Variants in RPAP2 observed in about 807,000 individuals in gnomAD.
RPAP2 encodes the protein putative RNA polymerase II subunit B1 CTD phosphatase RPAP2.
In RPAP2, 52 loss-of-function variants were observed where a neutral mutation model predicts 73.1. The observed-to-expected ratio is 0.71, with a 90% CI of 0.57 to 0.90. The LOEUF (loss-of-function observed/expected upper bound fraction) is 0.90, where lower values mean the gene tolerates loss of function less well. RPAP2 is among the 40% of genes least tolerant of loss of function. The pLI is 0.00. For synonymous variants in RPAP2, 225 were observed against 242.1 expected (o/e 0.93, Z 0.65); for missense variants, 598 against 701.8 (o/e 0.85, Z 1.67).
intron 11 of RPAP2, among the ~76,000 whole-genome samples, chr1:92,379,619 T>G (rs1006260995): frequency 1.3e-5 from 2 of 152,190 alleles, no homozygotes; most frequent in Non-Finnish European, 2.9e-5. Flanking sequence ...CAAGACGTAA[T>G]TCATTTATTT....
At chr1:92,343,988 T>C (rs1653738938) in intron 10 of RPAP2, among the ~76,000 whole-genome samples, 1 of 152,220 alleles carries the variant, frequency 6.6e-6, no homozygotes, top group African/African-American at 2.4e-5. Flanking sequence ...CCTTTCCCAA[T>C]CCATTCTTCG....
In RPAP2 at chr1:92,375,999, CAAAAAAA is replaced by C. The variant is rs1234687722; in HGVS notation, c.1689-4712_1689-4706del. On this transcript the variant is annotated intron_variant, in intron 11 of 12. Coordinates refer to ENST00000610020, the MANE Select transcript of RPAP2 (RefSeq NM_024813.3). ...TGGGTGACAGAGTGAGACTCTGTCT[CAAAAAAA>C]AAAAAAAAAAAATTAAAATATTCAG... 7.7e-5 allele frequency among the ~76,000 whole-genome samples: 5 copies of C among 65,334 alleles called. No individual in the cohort carries two copies. In the East Asian group the frequency reaches 2.1e-3, roughly 28 times the overall value. 42.9% of individuals were successfully genotyped at this position (65,334 alleles called of 152,430 possible).
intron 11 of RPAP2, among the ~76,000 whole-genome samples, chr1:92,375,384 G>A (rs1210741598): frequency 1.3e-5 from 2 of 152,118 alleles, no homozygotes; most frequent in Admixed American, 6.5e-5. Flanking sequence ...TGGATTCAGC[G>A]AATCACAGAT....
chr1:92,329,868 A>G (rs915002897), intron 8 of RPAP2, among the ~76,000 whole-genome samples: 3 of 152,224 alleles, frequency 2.0e-5, no homozygotes, highest in Admixed American at 1.3e-4. Context: ...TCATGGTCTC[A>G]TCATAAATCA....
At chr1:92,321,593 G>C (rs769013572) in intron 7 of RPAP2, among the ~76,000 whole-genome samples, 10 of 151,980 alleles carry the variant, frequency 6.6e-5, no homozygotes, top group Non-Finnish European at 1.0e-4. Context: ...TTTCAAGTTT[G>C]TATTGGCAAA....
intron 11 of RPAP2, among the ~76,000 whole-genome samples, chr1:92,373,297 C>T (rs1251687273): frequency 6.6e-6 from 1 of 152,128 alleles, no homozygotes; most frequent in African/African-American, 2.4e-5. Context: ...TCTAAAGAAG[C>T]CTCTAAAGTG....
At chr1:92,311,522 T>G (rs1160954085) in intron 6 of RPAP2, among the ~76,000 whole-genome samples, 2 of 152,202 alleles carry the variant, frequency 1.3e-5, no homozygotes, top group Non-Finnish European at 2.9e-5. Flanking sequence ...TTTTAAATTA[T>G]GAAGAAAAAC....
intron 11 of RPAP2, among the ~76,000 whole-genome samples, chr1:92,350,574 T>C (rs1194748152): frequency 6.6e-6 from 1 of 152,202 alleles, no homozygotes; most frequent in Non-Finnish European, 1.5e-5. Context: ...ATATGCCCTA[T>C]TGAGATGTTA....
chr1:92,357,065 CAAA>C (rs931196431), intron 11 of RPAP2, among the ~76,000 whole-genome samples: 3 of 117,014 alleles, frequency 2.6e-5, no homozygotes, highest in Admixed American at 1.8e-4. Context: ...GACTCTGTCT[CAAA>C]AAAAAAAAAG....
intron 10 of RPAP2, among the ~76,000 whole-genome samples, chr1:92,342,263 T>A (rs1446621091): frequency 6.6e-6 from 1 of 152,222 alleles, no homozygotes; most frequent in Non-Finnish European, 1.5e-5. Flanking sequence ...GCAAGCTGTG[T>A]TGCTGTCTGT....
intron 11 of RPAP2, among the ~76,000 whole-genome samples, chr1:92,374,719 A>G (rs1166766337): frequency 6.6e-6 from 1 of 152,224 alleles, no homozygotes; most frequent in Admixed American, 6.5e-5. Context: ...GCCTCTTGCT[A>G]CAGACATAAC....
chr1:92,325,802 A>G (rs1557602944), intron 8 of RPAP2, among the ~76,000 whole-genome samples: 1 of 152,008 alleles, frequency 6.6e-6, no homozygotes, highest in South Asian at 2.1e-4. Context: ...TTTTTCCAGT[A>G]TATATTCTTG....
intron 8 of RPAP2, among the ~76,000 whole-genome samples, chr1:92,331,701 A>G (rs994030615): frequency 6.6e-6 from 1 of 152,122 alleles, no homozygotes; most frequent in Admixed American, 6.5e-5. Context: ...TTTATAGCCA[A>G]TACTCAGCTG....
In RPAP2 at chr1:92,336,379, C is replaced by T. The variant is rs762674428; in HGVS notation, c.1571C>T (p.Thr524Ile). ...LPGLLVPLQI[T>I]LGDIYTQLKN... The stretch of plus-strand genomic sequence containing the variant: ...GGGCTTCTGGTTCCTCTTCAGATTA[C>T]ATTGGGAGATATTTACACACAACTT... Residue 524 changes from threonine (T) to isoleucine (I), a missense_variant, in exon 10 of 13, where the codon ACA (threonine) becomes ATA (isoleucine). Physicochemically the swap from Thr to Ile is moderately conservative, Grantham distance 89. Transcript: ENST00000610020. 1.9e-6 allele frequency: 3 copies of T among 1,611,002 alleles called. No individual in the cohort carries two copies. The highest frequency in any genetic ancestry group is 1.3e-5 in the African/African-American group (1 of 74,862).
chr1:92,325,351 G>A (rs1652565553), intron 8 of RPAP2, among the ~76,000 whole-genome samples: 1 of 152,070 alleles, frequency 6.6e-6, no homozygotes, highest in Non-Finnish European at 1.5e-5. Flanking sequence ...TATTTCTATA[G>A]AGTGTTGCTT....
chr1:92,330,859 A>C, intron 8 of RPAP2, among the ~76,000 whole-genome samples: 1 of 152,354 alleles, frequency 6.6e-6, no homozygotes, highest in Admixed American at 6.5e-5. Context: ...TGGAACCAGC[A>C]GCGTCAACAT....
chr1:92,300,289 T>G, intron 2 of RPAP2, 50 bp downstream of exon 2: 1 of 1,404,884 alleles, frequency 7.1e-7, no homozygotes, highest in Non-Finnish European at 9.9e-7. Flanking sequence ...TTATCTTGTA[T>G]TACTTGTACC....
At chr1:92,370,855 C>A (rs181668178) in intron 11 of RPAP2, among the ~76,000 whole-genome samples, 118 of 152,030 alleles carry the variant, frequency 7.8e-4, no homozygotes, top group African/African-American at 2.7e-3. Context: ...AAAAATATAC[C>A]CCATGCAAGA....
chr1:92,299,813 G>A (rs1557583221), intron 1 of RPAP2, among the ~76,000 whole-genome samples: 2 of 152,336 alleles, frequency 1.3e-5, no homozygotes, highest in East Asian at 1.9e-4. Flanking sequence ...TTTGTTATTT[G>A]TGTAGGAATC....
Sources: gnomAD v4.1 joint callset for allele counts (sites outside exome capture counted in the v4.1 genomes callset) on GRCh38, gnomAD v4.1.1 for gene constraint, MANE v1.5 for transcripts, NCBI Gene and HGNC (gene_info 2026-07-23, HGNC 2026-07-21) for gene names.